Variants in TENM3 observed in about 807,000 individuals in gnomAD.
TENM3 encodes teneurin transmembrane protein 3.
In TENM3, 63 loss-of-function variants were observed where a neutral mutation model predicts 255.1. The observed-to-expected ratio is 0.25, with a 90% CI of 0.20 to 0.30. The LOEUF (loss-of-function observed/expected upper bound fraction) is 0.30. TENM3 is among the 10% of genes least tolerant of loss of function. The pLI is 1.00. For synonymous variants in TENM3, 1,306 were observed against 1,322.3 expected (o/e 0.99, Z 0.27); for missense variants, 2,929 against 3,461.1 (o/e 0.85, Z 3.86).
the TENM3 span, among the ~76,000 whole-genome samples, chr4:181,775,150 C>T: frequency 6.6e-6 from 1 of 152,158 alleles, no homozygotes; most frequent in Non-Finnish European, 1.5e-5. Context: ...CCTGACTCCC[C>T]CCATACAGGG....
At position 182,153,116 on chromosome 4, in the gene TENM3, A is replaced by G. The variant is rs189025025; in HGVS notation, c.-76+8362A>G. 1.1e-4 allele frequency among the ~76,000 whole-genome samples: 16 copies of G among 152,160 alleles called. No individual in the cohort carries two copies. The East Asian group carries it at 3.1e-3, about 29-fold the overall frequency. ...GTAATATGATTTAGAACCCATAAAT[A>G]AAGAATTAAAAAATATTAGTAATCA... On this transcript the variant is annotated intron_variant, in intron 1 of 2. Transcript: ENST00000512480.
intron 1 of TENM3, among the ~76,000 whole-genome samples, chr4:182,172,749 T>G (rs1482228030): frequency 6.6e-6 from 1 of 152,186 alleles, no homozygotes; most frequent in Non-Finnish European, 1.5e-5. Flanking sequence ...TTAAAAATAA[T>G]GAGAAACAGA....
the TENM3 span, among the ~76,000 whole-genome samples, chr4:181,864,396 C>A: frequency 6.6e-6 from 1 of 151,814 alleles, no homozygotes; most frequent in Non-Finnish European, 1.5e-5. Flanking sequence ...TACTTGGGTG[C>A]CAATGGCTAC....
At chr4:181,619,961 T>C in the TENM3 span, among the ~76,000 whole-genome samples, 15 of 152,288 alleles carry the variant, frequency 9.8e-5, no homozygotes, top group Admixed American at 2.6e-4. Context: ...AGGTTTTTAT[T>C]TGATGTGTAA....
chr4:181,477,076 A>G, the TENM3 span, among the ~76,000 whole-genome samples: 1 of 149,060 alleles, frequency 6.7e-6, no homozygotes, highest in African/African-American at 2.5e-5. Flanking sequence ...TCATTCATTC[A>G]TTCATTCATT....
the TENM3 span, among the ~76,000 whole-genome samples, chr4:181,942,541 T>C: frequency 4.6e-5 from 7 of 152,120 alleles, no homozygotes; most frequent in Non-Finnish European, 1.0e-4. Flanking sequence ...TATGTGGATG[T>C]GTATCAGCCA....
chr4:181,592,736 G>A, the TENM3 span, among the ~76,000 whole-genome samples: 1 of 149,476 alleles, frequency 6.7e-6, no homozygotes, highest in African/African-American at 2.4e-5. Flanking sequence ...ACTTTTCAAT[G>A]TGGAGGAAAC....
intron 1 of TENM3, among the ~76,000 whole-genome samples, chr4:182,157,257 C>A (rs1389388135): frequency 6.6e-6 from 1 of 152,190 alleles, no homozygotes; most frequent in African/African-American, 2.4e-5. Context: ...CCTTTCCCCC[C>A]AACCCAGTCG....
chr4:182,632,752 T>C (rs183182003), intron 5 of TENM3, among the ~76,000 whole-genome samples: 2 of 152,286 alleles, frequency 1.3e-5, no homozygotes, highest in East Asian at 3.9e-4. Flanking sequence ...TATTTTTCCC[T>C]TTATATTTCT....
chr4:182,187,210 C>A (rs1377892789), intron 1 of TENM3, among the ~76,000 whole-genome samples: 1 of 152,008 alleles, frequency 6.6e-6, no homozygotes, highest in African/African-American at 2.4e-5. Flanking sequence ...TGAGAAAATA[C>A]AAGAACAGAA....
intron 2 of TENM3, among the ~76,000 whole-genome samples, chr4:182,338,594 T>C (rs1764286948): frequency 6.6e-6 from 1 of 152,194 alleles, no homozygotes; most frequent in Non-Finnish European, 1.5e-5. Context: ...ATCATATTTC[T>C]TAAATATATA....
chr4:182,169,430 T>C (rs1384597661), intron 1 of TENM3: 8 of 392,762 alleles, frequency 2.0e-5, no homozygotes, highest in Non-Finnish European at 3.5e-5. Flanking sequence ...CTGAGATGGA[T>C]TGAATTCTTC....
At chr4:182,626,139 C>T (rs1233632621) in intron 4 of TENM3, among the ~76,000 whole-genome samples, 1 of 152,124 alleles carries the variant, frequency 6.6e-6, no homozygotes, top group South Asian at 2.1e-4. Context: ...TCAGTGATAT[C>T]GCTGGAAAAG....
At chr4:182,031,000 G>A in the TENM3 span, among the ~76,000 whole-genome samples, 1 of 152,126 alleles carries the variant, frequency 6.6e-6, no homozygotes, top group Admixed American at 6.5e-5. Context: ...CCACTCTGTA[G>A]GTTTCCTCTT....
intron 24 of TENM3, among the ~76,000 whole-genome samples, chr4:182,781,679 G>C (rs1385593925): frequency 6.8e-6 from 1 of 148,004 alleles, no homozygotes; most frequent in Non-Finnish European, 1.5e-5. Flanking sequence ...GAATCCATCT[G>C]GTCCTGGACT....
At position 182,706,827 on chromosome 4, in the gene TENM3, G is replaced by A. The variant is rs570385327; in HGVS notation, c.2222-7260G>A. On this transcript the variant is annotated intron_variant, in intron 12 of 27. Coordinates refer to ENST00000511685, the MANE Select transcript of TENM3 (RefSeq NM_001080477.4). The stretch of plus-strand genomic sequence containing the variant: ...AATTAGCCAGGTATGGTTGGGGTGC[G>A]CCTGTAGTCCCAGCTACTTGGGAGG... Among the ~76,000 whole-genome samples, 182 of 151,970 alleles carry A rather than the reference G, an allele frequency of 1.2e-3. 1 individual carries two copies. Among genetic ancestry groups the A allele is most frequent in the African/African-American group, 4.0e-3 (164 of 41,454 alleles).
At chr4:182,769,686 C>T (rs181616773) in intron 22 of TENM3, among the ~76,000 whole-genome samples, 4 of 151,546 alleles carry the variant, frequency 2.6e-5, no homozygotes, top group South Asian at 2.1e-4. Flanking sequence ...CAGGAGGCTG[C>T]GGCAGGAGAA....
Position 182,600,920 on chromosome 4 carries a change from T to TTTTA in TENM3, c.512-4_512-3insTTTA. 6.8e-6 allele frequency: 7 copies of TTTTA among 1,030,984 alleles called. No individual in the cohort carries two copies. Among genetic ancestry groups the TTTTA allele is most frequent in the Admixed American group, 3.1e-5 (1 of 31,880 alleles). 63.9% of individuals were successfully genotyped at this position (1,030,984 alleles called of 1,614,324 possible). A position where few individuals can be genotyped will look rare whatever the true frequency, so the allele number is the denominator to read the frequency against. On this transcript the variant is annotated splice_region_variant and splice_polypyrimidine_tract_variant and intron_variant, in intron 3 of 27. Transcript: ENST00000511685. The stretch of plus-strand genomic sequence containing the variant: ...TTCTTTTTTTTTTTTTTTTTTTTTT[T>TTTTA]CAGAGCAACCTGCAAGCAATCAAGG...
the TENM3 span, among the ~76,000 whole-genome samples, chr4:181,547,509 T>G: frequency 2.6e-5 from 4 of 152,106 alleles, no homozygotes; most frequent in Non-Finnish European, 5.9e-5. Context: ...AAAAATTATT[T>G]TAAACATGTA....
Sources: gnomAD v4.1 joint callset for allele counts (sites outside exome capture counted in the v4.1 genomes callset) on GRCh38, gnomAD v4.1.1 for gene constraint, MANE v1.5 for transcripts, NCBI Gene and HGNC (gene_info 2026-07-23, HGNC 2026-07-21) for gene names.